Variants in ERN2 observed in about 807,000 individuals in gnomAD.
ERN2 encodes endoplasmic reticulum to nucleus signaling 2.
In ERN2, 111 loss-of-function variants were observed where a neutral mutation model predicts 107.9. The observed-to-expected ratio is 1.03, with a 90% CI of 0.88 to 1.20. The LOEUF (loss-of-function observed/expected upper bound fraction) is 1.20. ERN2 is among the 50% of genes most tolerant of loss of function. ERN2 has a pLI of 0.00. For synonymous variants in ERN2, 524 were observed against 501.7 expected, an observed-to-expected ratio of 1.04 and a Z score of -0.59; for missense variants, 1,225 against 1,197.9, an observed-to-expected ratio of 1.02 and a Z score of -0.33.
intron 18 of ERN2, 29 bp downstream of exon 18, chr16:23,692,155 C>T: frequency 1.1e-5 from 17 of 1,613,982 alleles, no homozygotes; most frequent in Non-Finnish European, 1.4e-5. Context: ...CCCGTCCTCC[C>T]TTCTCTGCCC....
intron 4 of ERN2, chr16:23,707,333 C>CTT (rs1412759206): frequency 2.0e-6 from 1 of 491,830 alleles, no homozygotes; most frequent in East Asian, 3.8e-5. Flanking sequence ...GCTACACAGC[C>CTT]TCTTGAGGAA....
intron 14 of ERN2, 72 bp from the exon 15 acceptor site, chr16:23,695,461 C>T (rs931879784): frequency 6.9e-7 from 1 of 1,439,876 alleles, no homozygotes; most frequent in Non-Finnish European, 9.4e-7. Context: ...CATGGTGGCT[C>T]ACACCTGTAA....
At chr16:23,710,586 T>G in intron 2 of ERN2, 37 bp from the exon 3 acceptor site, 1 of 1,612,138 alleles carries the variant, frequency 6.2e-7, no homozygotes, top group Non-Finnish European at 8.5e-7. Flanking sequence ...AGCAGTTTCC[T>G]CCAGACCCCA....
intron 2 of ERN2, 95 bp from the exon 3 acceptor site, chr16:23,710,644 T>C: frequency 7.2e-7 from 1 of 1,395,748 alleles, no homozygotes; most frequent in Admixed American, 1.7e-5. Context: ...GACTGTGATG[T>C]CAAGCACTTG....
In ERN2 at chr16:23,711,161, G is replaced by C. The variant is rs1045877447; in HGVS notation, c.94-143C>G. On this transcript the variant is annotated intron_variant, in intron 1 of 21. Transcript: ENST00000256797. ...GGAAGGGTGATTGGGGAACGTGCTG[G>C]TGTCACTCATCATCTCTTTGACCCT... 7 of 609,366 alleles carry C rather than the reference G, an allele frequency of 1.1e-5. 1 individual carries two copies. The highest frequency in any genetic ancestry group is 1.1e-4 in the East Asian group (4 of 36,314). The allele number at this position is 609,366 out of a possible 1,614,324, so 37.7% of individuals were successfully genotyped here.
Position 23,710,158 on chromosome 16 carries a change from C to A in ERN2, c.306+14G>T. The A allele has an allele frequency of 6.3e-7, 1 of 1,598,710 alleles. No individual in the cohort carries two copies. Among genetic ancestry groups the A allele is most frequent in the Non-Finnish European group, 8.6e-7 (1 of 1,165,988 alleles). On this transcript the variant is annotated intron_variant, in intron 4 of 21. Coordinates refer to ENST00000256797, the MANE Select transcript of ERN2 (RefSeq NM_033266.4). ...CTGGCTCTCACCCATTCCCGAACAC[C>A]ATGGGATACAAACCATTAATCCCTG...
In ERN2 at chr16:23,710,203, A is replaced by T; in HGVS notation, c.275T>A (p.Ile92Asn). The change falls in exon 4 of 22, where the codon ATC (isoleucine) becomes AAC (asparagine). Residue 92 changes from isoleucine to asparagine, a missense_variant. Ile to Asn is a moderately radical substitution (Grantham distance 149, BLOSUM62 -3). Coordinates refer to ENST00000256797, the MANE Select transcript of ERN2 (RefSeq NM_033266.4). ...LSDPADGSLY[I>N]LGTQKQQGLM... ...TCCCTGTTGTTTTTGGGTCCCCAAG[A>T]TGTACAGGCTGCCATCTGCTGGGTC... is the stretch of plus-strand genomic sequence containing the variant. 1 of 1,614,038 alleles carries T rather than the reference A, an allele frequency of 6.2e-7. No homozygotes were observed. Among genetic ancestry groups the T allele is most frequent in the Non-Finnish European group, 8.5e-7 (1 of 1,179,908 alleles).
chr16:23,703,831 T>C (rs1960190819), intron 8 of ERN2, among the ~76,000 whole-genome samples: 1 of 152,196 alleles, frequency 6.6e-6, no homozygotes, highest in African/African-American at 2.4e-5. Context: ...CTAGGAAGCT[T>C]TCCATGACTG....
chr16:23,694,764 C>T lies in ERN2; in HGVS notation c.2064G>A (p.Ala688=), dbSNP rs1248855833. The T allele has an allele frequency of 4.3e-6, 7 of 1,610,664 alleles. No individual in the cohort carries two copies. Among genetic ancestry groups the T allele is most frequent in the African/African-American group, 1.3e-5 (1 of 74,884 alleles). Residue 688 remains alanine, a synonymous_variant, in exon 17 of 22, where the codon GCG becomes GCA. Coordinates refer to ENST00000256797, the MANE Select transcript of ERN2 (RefSeq NM_033266.4). ...SGIPGTEGWM[A]PELLQLLPPD... The stretch of plus-strand genomic sequence containing the variant: ...GTGGCAGGAGCTGCAGAAGCTCGGG[C>T]GCCATCCAGCCTTCCGTGCCGGGGA...
At chr16:23,702,798 C>A in intron 8 of ERN2, 96 bp from the exon 9 acceptor site, 1 of 1,045,318 alleles carries the variant, frequency 9.6e-7, no homozygotes, top group Admixed American at 1.8e-5. Context: ...TTCCCTCTCA[C>A]ATTGACTCAG....
At position 23,702,628 on chromosome 16, in the gene ERN2, A is replaced by C. The variant is rs765560494; in HGVS notation, c.929T>G (p.Leu310Arg). The C allele has an allele frequency of 5.6e-6, 9 of 1,614,002 alleles. No individual in the cohort carries two copies. Among genetic ancestry groups the C allele is most frequent in the Non-Finnish European group, 7.6e-6 (9 of 1,179,962 alleles). Residue 310 changes from leucine to arginine, a missense_variant, in exon 9 of 22, where the codon CTG becomes CGG. Leu to Arg is a moderately radical substitution (Grantham distance 102). Coordinates refer to ENST00000256797, the MANE Select transcript of ERN2 (RefSeq NM_033266.4). ...CACTCAGAGACCACTTCTTACCACC[A>C]GGGCCACTCCTGTGTGGACCAGTGC... ...SKALVHTGVA[L>R]VPRGLTLAPA...
rs374849035 is a variant in ERN2, at chr16:23,691,108, C to G, written c.2568+21G>C. The G allele has an allele frequency of 1.7e-5, 27 of 1,613,736 alleles. No homozygotes were observed. In the African/African-American group the frequency reaches 2.9e-4, roughly 18 times the overall value. On this transcript the variant is annotated intron_variant, in intron 21 of 21. Coordinates refer to ENST00000256797, the MANE Select transcript of ERN2 (RefSeq NM_033266.4). ...GCCAGGCCTTCCCAAGACCCAGGCCCACCCAGGCCCCAACACATACCTTGT... is the reference window on the plus strand; with the variant it reads ...GCCAGGCCTTCCCAAGACCCAGGCCGACCCAGGCCCCAACACATACCTTGT...
At position 23,713,141 on chromosome 16, in the gene ERN2, A is replaced by T. The variant is rs374839584; in HGVS notation, c.47T>A (p.Leu16His). The change falls in exon 1 of 22, where the codon CTC (leucine) becomes CAC (histidine). Residue 16 changes from leucine (L) to histidine (H), a missense_variant. Transcript: ENST00000256797. ...CAGCAGCGCCGCGAACTGGAGCTGG[A>T]GCCCCAGCCGGGGCCACGGCCTCGA... Reference protein sequence around the residue: ...RGSRPWPRLGLQLQFAALLLG... With the variant: ...RGSRPWPRLGHQLQFAALLLG... The T allele has an allele frequency of 3.4e-5, 53 of 1,575,636 alleles. No homozygotes were observed. The highest frequency in any genetic ancestry group is 1.7e-4 in the Middle Eastern group (1 of 5,846).
rs965894709 is a variant in ERN2 at position 23,700,686 on chromosome 16, C to T, written c.1378G>A (p.Glu460Lys). Residue 460 changes from glutamate (E) to lysine (K), a missense_variant, in exon 13 of 22, where the codon GAG (glutamate) becomes AAG (lysine). By Grantham distance (56) the Glu-to-Lys change is moderately conservative (BLOSUM62 1). Coordinates refer to ENST00000256797, the MANE Select transcript of ERN2 (RefSeq NM_033266.4). ...VMRQQQPQVV[E>K]KQQETPLAPA... ...GCCAGGGGGGTCTCCTGCTGCTTCT[C>T]CACCACCTGCGGCTGTTGCTGTAAC... is the stretch of plus-strand genomic sequence containing the variant. 1.2e-6 allele frequency: 2 copies of T among 1,613,244 alleles called. No individual in the cohort carries two copies. Among genetic ancestry groups the T allele is most frequent in the Admixed American group, 3.3e-5 (2 of 59,922 alleles).
Position 23,710,264 on chromosome 16 carries a change from A to G in ERN2, c.234-20T>C. 1 of 1,606,550 alleles carries G rather than the reference A, an allele frequency of 6.2e-7. No individual in the cohort carries two copies. The highest frequency in any genetic ancestry group is 8.5e-7 in the Non-Finnish European group (1 of 1,173,118). ...GCCATTCTGTGGAGCAGAGAGAAAC[A>G]AGGAGACCAATGGGTTCTTGCCCCC... On this transcript the variant is annotated intron_variant, in intron 3 of 21. Transcript: ENST00000256797.
At chr16:23,703,180 T>C (rs1960159818) in intron 8 of ERN2, among the ~76,000 whole-genome samples, 1 of 152,190 alleles carries the variant, frequency 6.6e-6, no homozygotes. Context: ...AGCTAGCTGA[T>C]ACATGTTCCA....
At chr16:23,704,213 G>A (rs1960206034) in intron 8 of ERN2, among the ~76,000 whole-genome samples, 1 of 152,302 alleles carries the variant, frequency 6.6e-6, no homozygotes, top group Non-Finnish European at 1.5e-5. Context: ...GTTATTTAAA[G>A]TATTTAACAA....
At position 23,690,723 on chromosome 16, in the gene ERN2, G is replaced by T; in HGVS notation, c.*108C>A. On this transcript the variant is annotated 3_prime_UTR_variant, in exon 22 of 22. Coordinates refer to ENST00000256797, the MANE Select transcript of ERN2 (RefSeq NM_033266.4). ...CTCTCACTCAGCCTCCCAAAATGCT[G>T]GGATTACAGGTGTGAGCCACTGCAC... 1 of 853,800 alleles carries T rather than the reference G, an allele frequency of 1.2e-6. No individual in the cohort carries two copies. Among genetic ancestry groups the T allele is most frequent in the Non-Finnish European group, 1.8e-6 (1 of 545,216 alleles). The allele number at this position is 853,800 out of a possible 1,614,324, so 52.9% of individuals were successfully genotyped here.
intron 5 of ERN2, 24 bp downstream of exon 5, chr16:23,706,983 C>G: frequency 6.2e-7 from 1 of 1,608,856 alleles, no homozygotes; most frequent in South Asian, 1.1e-5. Context: ...GAACCTGGAC[C>G]CCACAGGCTG....
Sources: gnomAD v4.1 joint callset for allele counts (sites outside exome capture counted in the v4.1 genomes callset) on GRCh38, gnomAD v4.1.1 for gene constraint, MANE v1.5 for transcripts, NCBI Gene and HGNC (gene_info 2026-07-23, HGNC 2026-07-21) for gene names.